The following SEMA6D variants were observed in gnomAD, a reference collection of about 807,000 sequenced individuals.
The protein encoded by SEMA6D is semaphorin 6D.
In SEMA6D, 35 loss-of-function variants were observed where a neutral mutation model predicts 106.6. The ratio of observed to expected loss-of-function variants is 0.33; its 90% CI spans 0.25 to 0.44. SEMA6D has a LOEUF of 0.44. Among genes scored for constraint, SEMA6D ranks in the 20% least tolerant of loss-of-function variants. The probability of loss-of-function intolerance (pLI) is 1.00; values close to 1 mark genes in which losing one functional copy is unlikely to be tolerated. For missense variants in SEMA6D, 1,185 were observed against 1,345.9 expected (o/e 0.88, Z 1.87); for synonymous variants, 499 against 487.7 (o/e 1.02, Z -0.31).
intron 4 of SEMA6D, among the ~76,000 whole-genome samples, chr15:47,684,109 C>G (rs1314902559): frequency 6.6e-6 from 1 of 152,140 alleles, no homozygotes; most frequent in Non-Finnish European, 1.5e-5. Flanking sequence ...ATTTGCCTCT[C>G]CCTGAAAGAT....
At chr15:47,746,087 T>C (rs983512382) in intron 1 of SEMA6D, among the ~76,000 whole-genome samples, 10 of 152,186 alleles carry the variant, frequency 6.6e-5, no homozygotes, top group Non-Finnish European at 1.3e-4. Context: ...AGAAGGCAAA[T>C]ACTAATACAA....
At chr15:47,768,447 C>G in intron 17 of SEMA6D, 134 bp from the exon 18 acceptor site, 1 of 647,498 alleles carries the variant, frequency 1.5e-6, no homozygotes, top group Non-Finnish European at 2.5e-6. Context: ...GTAGCTTCCT[C>G]AGGCGTGTTT....
chr15:47,562,580 G>C (rs1290841142), intron 3 of SEMA6D, among the ~76,000 whole-genome samples: 1 of 151,928 alleles, frequency 6.6e-6, no homozygotes. Flanking sequence ...ACATCTATAT[G>C]GCCATAAGCA....
At chr15:47,401,010 A>G (rs2040380645) in intron 1 of SEMA6D, among the ~76,000 whole-genome samples, 1 of 152,210 alleles carries the variant, frequency 6.6e-6, no homozygotes, top group Admixed American at 6.5e-5. Context: ...CAAATTATTT[A>G]ATTTCTTTAT....
chr15:47,515,164 A>C (rs1158455051), intron 3 of SEMA6D, among the ~76,000 whole-genome samples: 1 of 152,102 alleles, frequency 6.6e-6, no homozygotes, highest in Non-Finnish European at 1.5e-5. Context: ...CCAACCATCA[A>C]TATCACTAAC....
At chr15:47,308,145 T>C (rs2036303939) in intron 1 of SEMA6D, among the ~76,000 whole-genome samples, 1 of 152,078 alleles carries the variant, frequency 6.6e-6, no homozygotes, top group Non-Finnish European at 1.5e-5. Context: ...AAAAGAACAG[T>C]CTTCCAATAT....
intron 2 of SEMA6D, among the ~76,000 whole-genome samples, chr15:47,463,335 T>C (rs1390871): frequency 0.33 from 49,886 of 152,060 alleles, 8,490 homozygotes; most frequent in East Asian, 0.48. Context: ...TTCAAAACTT[T>C]CTTCTCCATA....
rs56218960 is a variant in SEMA6D, at chr15:47,604,866, AT to A, written c.-55+3983del. On this transcript the variant is annotated intron_variant, in intron 4 of 19. Coordinates refer to the SEMA6D transcript ENST00000558014. ...CGCCCACCACCACCATGCCTGGCTA[AT>A]TTTTTTTTTTTTGTATTTTTAGTAG... Among the ~76,000 whole-genome samples, 344 of 144,202 alleles carry A rather than the reference AT, an allele frequency of 2.4e-3. 2 individuals carry two copies. Among genetic ancestry groups the A allele is most frequent in the Middle Eastern group, 3.6e-3 (1 of 278 alleles). 94.6% of individuals were successfully genotyped at this position (144,202 alleles called of 152,430 possible). A position where few individuals can be genotyped will look rare whatever the true frequency, so the allele number is the denominator to read the frequency against.
chr15:47,700,266 A>T (rs1359899253), intron 4 of SEMA6D, among the ~76,000 whole-genome samples: 2 of 152,206 alleles, frequency 1.3e-5, no homozygotes, highest in Admixed American at 1.3e-4. Context: ...TTTTGTAAAC[A>T]TCAACAAACT....
rs372398919 is a variant in SEMA6D at position 47,211,514 on chromosome 15, G to A, written c.-239+27096G>A. On this transcript the variant is annotated intron_variant, in intron 1 of 19. Coordinates refer to the SEMA6D transcript ENST00000558014. ...TAAAGTACAAATATATCCTTTAGATGCATGATCCTAAACTGACAGTTTTTT... is the reference window on the plus strand; with the variant it reads ...TAAAGTACAAATATATCCTTTAGATACATGATCCTAAACTGACAGTTTTTT... Among the ~76,000 whole-genome samples, 14 of 152,208 alleles carry A rather than the reference G, an allele frequency of 9.2e-5. No homozygotes were observed. In the East Asian group the frequency reaches 2.7e-3, roughly 29 times the overall value.
chr15:47,623,853 C>G (rs1030450471), intron 4 of SEMA6D, among the ~76,000 whole-genome samples: 1 of 152,164 alleles, frequency 6.6e-6, no homozygotes, highest in Non-Finnish European at 1.5e-5. Context: ...ATCTTGCCCT[C>G]TCTATAATCC....
intron 2 of SEMA6D, among the ~76,000 whole-genome samples, chr15:47,441,628 AGAAG>A (rs2041886532): frequency 6.6e-6 from 1 of 152,170 alleles, no homozygotes; most frequent in South Asian, 2.1e-4. Context: ...CAGTTTTCTG[AGAAG>A]AACTGGCCTT....
At chr15:47,446,124 T>G (rs1005119495) in intron 2 of SEMA6D, among the ~76,000 whole-genome samples, 1 of 152,194 alleles carries the variant, frequency 6.6e-6, no homozygotes, top group African/African-American at 2.4e-5. Context: ...ATGCTGCCCA[T>G]CTGCCCTGGA....
intron 3 of SEMA6D, among the ~76,000 whole-genome samples, chr15:47,506,272 G>C (rs1471920977): frequency 1.3e-5 from 2 of 152,140 alleles, no homozygotes; most frequent in Non-Finnish European, 2.9e-5. Context: ...CAGGCCATCT[G>C]ATCTTAGAGG....
Position 47,764,772 on chromosome 15 carries a change from G to A in SEMA6D, c.1232G>A (p.Trp411Ter). Reference protein sequence around the residue: ...SAVPPIADEPWFTKTRVRYRL... With the variant: ...SAVPPIADEP ...GTTCCACCCATTGCCGATGAGCCCT[G>A]GTTCACAAAGACTCGGGTCAGGTGA... Residue 411 changes from tryptophan to a stop codon, truncating the protein, a stop_gained, in exon 12 of 19, where the codon TGG becomes TAG. Transcript: ENST00000536845. LOFTEE classifies it high-confidence loss of function. The A allele has an allele frequency of 2.5e-6, 4 of 1,613,936 alleles. No individual in the cohort carries two copies. Among genetic ancestry groups the A allele is most frequent in the Non-Finnish European group, 3.4e-6 (4 of 1,179,880 alleles).
intron 1 of SEMA6D, among the ~76,000 whole-genome samples, 180 bp from the exon 2 acceptor site, chr15:47,759,565 A>C (rs1227115074): frequency 3.9e-5 from 6 of 152,230 alleles, no homozygotes; most frequent in Non-Finnish European, 5.9e-5. Context: ...TGCTTTAATC[A>C]GGCCTGGCAT....
At chr15:47,277,616 A>AATTTAT (rs2034887414) in intron 1 of SEMA6D, among the ~76,000 whole-genome samples, 2 of 137,230 alleles carry the variant, frequency 1.5e-5, no homozygotes. Flanking sequence ...ATTATTATTT[A>AATTTAT]TTATTATTAT....
At chr15:47,317,089 G>A (rs530374715) in intron 1 of SEMA6D, among the ~76,000 whole-genome samples, 6 of 152,226 alleles carry the variant, frequency 3.9e-5, no homozygotes, top group African/African-American at 1.4e-4. Context: ...TTTCTTTATA[G>A]ATATAGGCCT....
chr15:47,728,627 G>A lies in SEMA6D; in HGVS notation c.-55+10935G>A, dbSNP rs117081243. Among the ~76,000 whole-genome samples, 896 of 152,338 alleles carry A rather than the reference G, an allele frequency of 5.9e-3. 6 individuals carry two copies. The highest frequency in any genetic ancestry group is 0.02 in the Admixed American group (312 of 15,302). ...ATTTCCACAAACGCATTGGCCTAAA[G>A]CCACACAGATGTATTATTTTAGTTC... is the stretch of plus-strand genomic sequence containing the variant. On this transcript the variant is annotated intron_variant, in intron 1 of 18. Coordinates refer to ENST00000536845, the MANE Select transcript of SEMA6D (RefSeq NM_001358351.3).
Sources: gnomAD v4.1 joint callset for allele counts (sites outside exome capture counted in the v4.1 genomes callset) on GRCh38, gnomAD v4.1.1 for gene constraint, MANE v1.5 for transcripts, NCBI Gene and HGNC (gene_info 2026-07-23, HGNC 2026-07-21) for gene names.